Variants in NEDD4L observed in about 807,000 individuals in gnomAD.
NEDD4L encodes NEDD4 like E3 ubiquitin protein ligase, also known as E3 ubiquitin-protein ligase NEDD4-like.
NEDD4L carries 54 observed loss-of-function variants against 148.9 expected under a neutral mutation model. The observed-to-expected ratio is 0.36, with a 90% CI of 0.29 to 0.45. NEDD4L has a LOEUF of 0.45. Among genes scored for constraint, NEDD4L ranks in the 20% least tolerant of loss-of-function variants. NEDD4L has a pLI of 1.00. For missense variants in NEDD4L, 856 were observed against 1,233.8 expected (o/e 0.69, Z 4.59); for synonymous variants, 433 against 440.7 (o/e 0.98, Z 0.22).
rs771356006 is a variant in NEDD4L at position 58,367,740 on chromosome 18, C to G, written c.2064-6C>G. On this transcript the variant is annotated splice_region_variant and splice_polypyrimidine_tract_variant and intron_variant, in intron 21 of 30. Transcript: ENST00000400345. ...ATTGGGCTTTTCTTCTCTTTCTCCT[C>G]AAAAGGGACAACTACACCCTTCAGA... The G allele has an allele frequency of 6.2e-7, 1 of 1,613,426 alleles. No individual in the cohort carries two copies. The highest frequency in any genetic ancestry group is 8.5e-7 in the Non-Finnish European group (1 of 1,179,688).
At chr18:58,292,743 T>C (rs1164229869) in intron 5 of NEDD4L, among the ~76,000 whole-genome samples, 1 of 152,240 alleles carries the variant, frequency 6.6e-6, no homozygotes, top group Non-Finnish European at 1.5e-5. Context: ...AGATGTTGAA[T>C]GAATGAGCTT....
In NEDD4L at chr18:58,390,681, G is replaced by A; in HGVS notation, c.2691G>A (p.Arg897=). 6.3e-7 allele frequency: 1 copy of A among 1,598,234 alleles called. No homozygotes were observed. The highest frequency in any genetic ancestry group is 1.3e-5 in the African/African-American group (1 of 74,868). The change falls in exon 29 of 31, where the codon CGG becomes CGA. Residue 897 remains arginine, a synonymous_variant. Transcript: ENST00000400345. The stretch of plus-strand genomic sequence containing the variant: ...TCATGGACGCCGAAAAGCGTATCCG[G>A]TTACTGCAGTTTGTCACAGGGACAT... The part of the protein sequence containing the change: ...VLLMDAEKRI[R]LLQFVTGTSR...
intron 1 of NEDD4L, 133 bp downstream of exon 1, chr18:58,044,841 C>G: frequency 8.8e-7 from 1 of 1,140,046 alleles, no homozygotes; most frequent in Non-Finnish European, 1.2e-6. Context: ...GCGGGAGCGC[C>G]CCGGAGCGGG....
intron 18 of NEDD4L, among the ~76,000 whole-genome samples, chr18:58,356,186 G>A (rs1407651048): frequency 1.3e-5 from 2 of 151,996 alleles, no homozygotes; most frequent in African/African-American, 4.8e-5. Context: ...CCGAACTCCT[G>A]GCTTCAAGTG....
At chr18:58,317,457 C>A (rs369670404) in intron 6 of NEDD4L, among the ~76,000 whole-genome samples, 11 of 152,280 alleles carry the variant, frequency 7.2e-5, no homozygotes, top group East Asian at 5.8e-4. Flanking sequence ...CTCCAGCCAC[C>A]CTTTCCCTAA....
intron 25 of NEDD4L, among the ~76,000 whole-genome samples, chr18:58,385,143 G>A (rs1017468245): frequency 6.6e-6 from 1 of 152,216 alleles, no homozygotes. Flanking sequence ...GTATACGGGT[G>A]TGTGCATCTT....
intron 19 of NEDD4L, among the ~76,000 whole-genome samples, chr18:58,357,913 A>G (rs2044910442): frequency 6.6e-6 from 1 of 152,222 alleles, no homozygotes; most frequent in Non-Finnish European, 1.5e-5. Flanking sequence ...ACAAGTCTGT[A>G]GAATGGGACC....
chr18:58,082,323 G>A (rs181763625), intron 1 of NEDD4L, among the ~76,000 whole-genome samples: 5,146 of 146,182 alleles, frequency 0.035, 296 homozygotes, highest in African/African-American at 0.12. Context: ...GGCCAGGCTG[G>A]GCTCGAACTT....
chr18:58,352,306 G>A (rs1417098679), intron 18 of NEDD4L, among the ~76,000 whole-genome samples: 1 of 152,028 alleles, frequency 6.6e-6, no homozygotes, highest in East Asian at 1.9e-4. Context: ...ATTGTTTTAA[G>A]AGAATTTACT....
rs1302867635 is a variant in NEDD4L, at chr18:58,273,047, T to C, written c.297+20993T>C. ...GGCCTGGGAAGGACCCCTGTGGGCA[T>C]GGCCAGTGGAACTGCAGCGGAAGCA... On this transcript the variant is annotated intron_variant, in intron 5 of 30. Coordinates refer to ENST00000400345, the MANE Select transcript of NEDD4L (RefSeq NM_001144967.3). 3.9e-5 allele frequency among the ~76,000 whole-genome samples: 6 copies of C among 152,184 alleles called. No individual in the cohort carries two copies. In the East Asian group the frequency reaches 1.2e-3, roughly 29 times the overall value.
chr18:58,082,558 G>A (rs986085757), intron 1 of NEDD4L, among the ~76,000 whole-genome samples: 1 of 150,908 alleles, frequency 6.6e-6, no homozygotes, highest in Non-Finnish European at 1.5e-5. Flanking sequence ...GATCACCTGC[G>A]GTCAGGAGTT....
At chr18:58,169,571 G>GA (rs1246283145) in intron 2 of NEDD4L, among the ~76,000 whole-genome samples, 2 of 151,510 alleles carry the variant, frequency 1.3e-5, no homozygotes. Context: ...CTAAGTAAAA[G>GA]AAAAAAATAA....
At chr18:58,218,685 C>T (rs2043406224) in intron 2 of NEDD4L, among the ~76,000 whole-genome samples, 1 of 152,182 alleles carries the variant, frequency 6.6e-6, no homozygotes, top group South Asian at 2.1e-4. Flanking sequence ...CATCGAATCC[C>T]CCACAACCAA....
chr18:58,199,447 C>T (rs1324412912), intron 2 of NEDD4L, among the ~76,000 whole-genome samples: 1 of 152,118 alleles, frequency 6.6e-6, no homozygotes, highest in Non-Finnish European at 1.5e-5. Flanking sequence ...TGGCACCTGA[C>T]ACACAGCCTA....
At chr18:58,271,810 T>C (rs557002937) in intron 5 of NEDD4L, among the ~76,000 whole-genome samples, 30 of 152,350 alleles carry the variant, frequency 2.0e-4, no homozygotes, top group African/African-American at 7.0e-4. Flanking sequence ...TTGATCATTA[T>C]ATTAAAGTGC....
chr18:58,257,605 A>G (rs2048779926), intron 5 of NEDD4L, among the ~76,000 whole-genome samples: 1 of 152,082 alleles, frequency 6.6e-6, no homozygotes, highest in Non-Finnish European at 1.5e-5. Flanking sequence ...AGCTGTGGAG[A>G]AATAGACGCC....
chr18:58,238,404 G>A (rs1184534556), intron 2 of NEDD4L, among the ~76,000 whole-genome samples: 1 of 151,998 alleles, frequency 6.6e-6, no homozygotes, highest in East Asian at 1.9e-4. Context: ...TTAGTTTTTT[G>A]ATAACTTTTT....
chr18:58,353,045 G>A (rs191411281), intron 18 of NEDD4L, among the ~76,000 whole-genome samples: 3 of 152,296 alleles, frequency 2.0e-5, no homozygotes, highest in African/African-American at 7.2e-5. Flanking sequence ...GTTCATGGAG[G>A]ATCAGTGGTG....
Position 58,342,927 on chromosome 18 carries a change from C to T in NEDD4L, c.1399C>T (p.Arg467Cys), listed in dbSNP as rs952655555. The change falls in exon 16 of 31, where the codon CGT becomes TGT. Residue 467 changes from arginine to cysteine, a missense_variant. By Grantham distance (180) the Arg-to-Cys change is radical. Transcript: ENST00000400345. Reference sequence around the variant, plus strand: ...TTAGGGTGCCAAGGACTCACCCGTACGTCGGGCTGTGAAAGACACCCTTTC... The same window carrying T: ...TTAGGGTGCCAAGGACTCACCCGTATGTCGGGCTGTGAAAGACACCCTTTC... ...PLEGAKDSPV[R>C]RAVKDTLSNP... 7 of 1,611,096 alleles carry T rather than the reference C, an allele frequency of 4.3e-6. No individual in the cohort carries two copies. The highest frequency in any genetic ancestry group is 2.2e-5 in the East Asian group (1 of 44,698).
Sources: allele counts gnomAD v4.1 joint callset (sites outside exome capture counted in the v4.1 genomes callset), GRCh38; gene constraint gnomAD v4.1.1; transcripts MANE v1.5; gene names NCBI Gene and HGNC (gene_info 2026-07-23, HGNC 2026-07-21).